The following WDR31 variants were observed in gnomAD, a reference collection of about 807,000 sequenced individuals.
WDR31 encodes WD repeat domain 31.
In WDR31, 30 loss-of-function variants were observed where a neutral mutation model predicts 47.3. The ratio of observed to expected loss-of-function variants is 0.63; its 90% CI spans 0.47 to 0.86. The LOEUF (loss-of-function observed/expected upper bound fraction) is 0.86, where lower values mean the gene tolerates loss of function less well. Ranked by LOEUF, WDR31 falls within the 40% of genes least tolerant of loss-of-function variation. The probability of loss-of-function intolerance (pLI) is 0.00; values close to 1 mark genes in which losing one functional copy is unlikely to be tolerated. For missense variants in WDR31, 406 were observed against 442.9 expected, an observed-to-expected ratio of 0.92 and a Z score of 0.75; for synonymous variants, 137 against 159.4, an observed-to-expected ratio of 0.86 and a Z score of 1.06.
Position 113,320,437 on chromosome 9 carries a change from T to A in WDR31, c.700A>T (p.Thr234Ser), listed in dbSNP as rs768917322. 4 of 1,614,218 alleles carry A rather than the reference T, an allele frequency of 2.5e-6. No homozygotes were observed. In the South Asian group the frequency reaches 4.4e-5, roughly 18 times the overall value. ...CCATCCACACTGACTTCACAGTAGGTCTGAATGTGCTGCTTTGCAGGAAAC... is the reference window on the plus strand; with the variant it reads ...CCATCCACACTGACTTCACAGTAGGACTGAATGTGCTGCTTTGCAGGAAAC... ...HMFPAKQHIQ[T>S]YCEVSVDGHK... is the part of the protein sequence containing the mutation. The change falls in exon 9 of 11, where the codon ACC (threonine) becomes TCC (serine). Residue 234 changes from threonine to serine, a missense_variant. Transcript: ENST00000374193.
chr9:113,332,101 G>C (rs186392366), intron 2 of WDR31, 51 bp from the exon 3 acceptor site: 4 of 1,268,946 alleles, frequency 3.2e-6, no homozygotes, highest in East Asian at 2.4e-5. Context: ...AGGCACAATA[G>C]TATGATGTTG....
intron 2 of WDR31, 95 bp from the exon 3 acceptor site, chr9:113,332,145 T>C (rs1222804537): frequency 2.2e-5 from 19 of 851,302 alleles, no homozygotes; most frequent in Non-Finnish European, 1.8e-6. Flanking sequence ...ATTAATTGTA[T>C]GCTTTTGCTT....
At chr9:113,316,988 G>A in intron 10 of WDR31, 79 bp from the exon 11 acceptor site, 1 of 1,490,222 alleles carries the variant, frequency 6.7e-7, no homozygotes, top group Non-Finnish European at 9.1e-7. Flanking sequence ...AGAAATGCAA[G>A]GAAATAAAGC....
At chr9:113,327,471 ACACT>A (rs1833501222) in intron 5 of WDR31, among the ~76,000 whole-genome samples, 1 of 152,156 alleles carries the variant, frequency 6.6e-6, no homozygotes, top group African/African-American at 2.4e-5. Flanking sequence ...GCATGCACAC[ACACT>A]CACACACAGT....
chr9:113,329,974 T>G (rs1029435738), intron 4 of WDR31, among the ~76,000 whole-genome samples: 1 of 151,870 alleles, frequency 6.6e-6, no homozygotes, highest in Non-Finnish European at 1.5e-5. Flanking sequence ...AGAGCAAAAC[T>G]CTGTCTCAAA....
intron 2 of WDR31, among the ~76,000 whole-genome samples, chr9:113,332,282 T>C (rs894621289): frequency 7.2e-5 from 11 of 152,186 alleles, no homozygotes; most frequent in Non-Finnish European, 2.9e-5. Flanking sequence ...GGTCCAGCCA[T>C]TCTAATCCTG....
intron 1 of WDR31, among the ~76,000 whole-genome samples, chr9:113,336,947 T>C (rs927151829): frequency 6.6e-6 from 1 of 152,246 alleles, no homozygotes; most frequent in Non-Finnish European, 1.5e-5. Flanking sequence ...GTAAATCTCT[T>C]GACTTCTAGT....
intron 1 of WDR31, among the ~76,000 whole-genome samples, chr9:113,338,154 G>A (rs181855707): frequency 2.5e-4 from 38 of 151,648 alleles, no homozygotes; most frequent in African/African-American, 8.5e-4. Context: ...TGATCATACT[G>A]GAAGCAGCAT....
intron 2 of WDR31, among the ~76,000 whole-genome samples, chr9:113,334,726 T>A (rs1833681414): frequency 6.8e-6 from 1 of 147,768 alleles, no homozygotes; most frequent in Non-Finnish European, 1.5e-5. Flanking sequence ...TTTTTTTTTT[T>A]TTGTATTTTT....
chr9:113,326,468 TC>T (rs1366900463), intron 5 of WDR31, among the ~76,000 whole-genome samples: 2 of 151,664 alleles, frequency 1.3e-5, no homozygotes, highest in Non-Finnish European at 2.9e-5. Context: ...CTTTCCTCCC[TC>T]CTTCTTTCTT....
chr9:113,321,489 C>T, intron 8 of WDR31, 22 bp downstream of exon 8: 1 of 1,612,870 alleles, frequency 6.2e-7, no homozygotes, highest in South Asian at 1.1e-5. Flanking sequence ...GAAACACTTT[C>T]ACAGCTGCTC....
chr9:113,335,492 A>T (rs16932787), intron 2 of WDR31, among the ~76,000 whole-genome samples: 1,757 of 152,308 alleles, frequency 0.012, 40 homozygotes, highest in African/African-American at 0.039. Context: ...GGCATGACCA[A>T]CCTAATTCTA....
chr9:113,335,880 A>T (rs1833705667), intron 2 of WDR31, among the ~76,000 whole-genome samples: 2 of 152,232 alleles, frequency 1.3e-5, no homozygotes, highest in South Asian at 4.1e-4. Flanking sequence ...GTCTCTCGTT[A>T]TTCATCTTTG....
At chr9:113,318,732 T>C (rs1348567754) in intron 9 of WDR31, 95 bp from the exon 10 acceptor site, 2 of 1,321,726 alleles carry the variant, frequency 1.5e-6, no homozygotes, top group African/African-American at 2.9e-5. Flanking sequence ...ACCTATTCCC[T>C]CCACTTACCT....
chr9:113,322,849 C>G lies in WDR31; in HGVS notation c.532G>C (p.Gly178Arg). Residue 178 changes from glycine (G) to arginine (R), a missense_variant, in exon 7 of 11, where the codon GGA becomes CGA. Gly to Arg is a moderately radical substitution (Grantham distance 125). Transcript: ENST00000374193. ...ACAGATGCTCTTTCCACACTCTGTC[C>G]TGTCACCACATCCCACAGAAGCAGG... ...NTLLLWDVVT[G>R]QSVERASVSR... 1.2e-6 allele frequency: 2 copies of G among 1,614,182 alleles called. No individual in the cohort carries two copies. The highest frequency in any genetic ancestry group is 1.7e-6 in the Non-Finnish European group (2 of 1,180,034).
chr9:113,314,920 C>T lies in WDR31; in HGVS notation c.*1829G>A, dbSNP rs185150916. On this transcript the variant is annotated 3_prime_UTR_variant, in exon 11 of 11. Transcript: ENST00000374193. Reference sequence around the variant, plus strand: ...TTTGAGCCACTGCGCCTGGCCTTTCCTGGCATTTAAAATAGCTATGTCCAG... The same window carrying T: ...TTTGAGCCACTGCGCCTGGCCTTTCTTGGCATTTAAAATAGCTATGTCCAG... The T allele has an allele frequency of 6.6e-6, 1 of 152,356 alleles. No individual in the cohort carries two copies. The highest frequency in any genetic ancestry group is 1.9e-4 in the East Asian group (1 of 5,146). 9.4% of individuals were successfully genotyped at this position (152,356 alleles called of 1,614,324 possible).
intron 2 of WDR31, among the ~76,000 whole-genome samples, 192 bp downstream of exon 2, chr9:113,336,096 A>C (rs28536744): frequency 0.019 from 2,968 of 152,256 alleles, 99 homozygotes; most frequent in African/African-American, 0.067. Flanking sequence ...CTGCCAGCCT[A>C]ACCTATTTTT....
At chr9:113,338,388 T>C (rs770154285) in intron 1 of WDR31, among the ~76,000 whole-genome samples, 1 of 152,222 alleles carries the variant, frequency 6.6e-6, no homozygotes, top group African/African-American at 2.4e-5. Context: ...GGGTTATATC[T>C]ACGTTGTTGT....
intron 4 of WDR31, 108 bp from the exon 5 acceptor site, chr9:113,329,063 G>A (rs942892490): frequency 1.3e-5 from 13 of 985,794 alleles, no homozygotes; most frequent in African/African-American, 1.3e-4. Context: ...CTCCCTCTCT[G>A]CTCAGGAACT....
Sources: allele counts gnomAD v4.1 joint callset (sites outside exome capture counted in the v4.1 genomes callset), GRCh38; gene constraint gnomAD v4.1.1; transcripts MANE v1.5; gene names NCBI Gene and HGNC (gene_info 2026-07-23, HGNC 2026-07-21).